SORCS2: variants seen among roughly 807,000 people sequenced by gnomAD.
The protein encoded by SORCS2 is sortilin related VPS10 domain containing receptor 2, also known as VPS10 domain-containing receptor SorCS2.
SORCS2 carries 100 observed loss-of-function variants against 141.6 expected under a neutral mutation model. The observed-to-expected ratio is 0.71, with a 90% CI of 0.60 to 0.83. SORCS2 has a LOEUF of 0.83. Among genes scored for constraint, SORCS2 ranks in the 40% least tolerant of loss-of-function variants. The probability of loss-of-function intolerance (pLI) is 0.00; values close to 1 mark genes in which losing one functional copy is unlikely to be tolerated. For missense variants in SORCS2, 1,646 were observed against 1,560.2 expected (o/e 1.05, Z -0.93); for synonymous variants, 789 against 676.9 (o/e 1.17, Z -2.57).
chr4:7,373,826 A>G (rs984446269), intron 1 of SORCS2, among the ~76,000 whole-genome samples: 1 of 152,022 alleles, frequency 6.6e-6, no homozygotes, highest in African/African-American at 2.4e-5. Flanking sequence ...CCATTGCTGG[A>G]TGTGTACTTT....
intron 1 of SORCS2, among the ~76,000 whole-genome samples, chr4:7,214,977 C>T (rs116041441): frequency 0.046 from 6,948 of 151,884 alleles, 195 homozygotes; most frequent in Middle Eastern, 0.071. Flanking sequence ...GCAGTCCTCA[C>T]GGCCCTCGCT....
chr4:7,617,536 C>T (rs1718847079), intron 3 of SORCS2, among the ~76,000 whole-genome samples: 1 of 152,116 alleles, frequency 6.6e-6, no homozygotes. Flanking sequence ...AAACTACTAT[C>T]CTGACGTAGA....
chr4:7,278,688 G>A (rs1473085927), intron 1 of SORCS2, among the ~76,000 whole-genome samples: 1 of 152,210 alleles, frequency 6.6e-6, no homozygotes, highest in African/African-American at 2.4e-5. Flanking sequence ...TATGGGGCCA[G>A]CTGTCCTTGG....
At position 7,370,321 on chromosome 4, in the gene SORCS2, G is replaced by T. The variant is rs530735611; in HGVS notation, c.481-25967G>T. ...TTTGGTTGTCTGAGCCCGGACGGGGGCAGAGGCAGAGGAGATCTGGGCCCC... is the reference window on the plus strand; with the variant it reads ...TTTGGTTGTCTGAGCCCGGACGGGGTCAGAGGCAGAGGAGATCTGGGCCCC... On this transcript the variant is annotated intron_variant, in intron 1 of 26. Coordinates refer to ENST00000507866, the MANE Select transcript of SORCS2 (RefSeq NM_020777.3). 3.3e-5 allele frequency among the ~76,000 whole-genome samples: 5 copies of T among 152,332 alleles called. No homozygotes were observed. In the East Asian group the frequency reaches 9.6e-4, roughly 29 times the overall value.
At chr4:7,726,338 C>T (rs1577126650) in intron 20 of SORCS2, among the ~76,000 whole-genome samples, 1 of 152,200 alleles carries the variant, frequency 6.6e-6, no homozygotes, top group Admixed American at 6.5e-5. Context: ...GCTGTGTTGG[C>T]TTACAACCAG....
intron 1 of SORCS2, among the ~76,000 whole-genome samples, chr4:7,221,251 G>A (rs1728687608): frequency 6.6e-6 from 1 of 152,184 alleles, no homozygotes; most frequent in African/African-American, 2.4e-5. Context: ...GTGTGTGTCA[G>A]AATCTCCTGA....
chr4:7,215,618 C>T (rs1360128397), intron 1 of SORCS2, among the ~76,000 whole-genome samples: 3 of 152,204 alleles, frequency 2.0e-5, no homozygotes, highest in African/African-American at 7.2e-5. Flanking sequence ...CGTGGAGAAT[C>T]TTTATGTCTA....
chr4:7,388,430 CTTCT>C (rs887329496), intron 1 of SORCS2, among the ~76,000 whole-genome samples: 2 of 152,122 alleles, frequency 1.3e-5, no homozygotes, highest in Admixed American at 6.5e-5. Context: ...AAGGAGGAGT[CTTCT>C]TTATTTTATT....
intron 1 of SORCS2, among the ~76,000 whole-genome samples, chr4:7,211,631 C>T (rs949402435): frequency 3.3e-5 from 5 of 152,176 alleles, no homozygotes; most frequent in African/African-American, 1.2e-4. Context: ...CCTCGGCCTC[C>T]CAAAGTGCTG....
intron 3 of SORCS2, among the ~76,000 whole-genome samples, chr4:7,622,124 C>A (rs1353708345): frequency 6.6e-6 from 1 of 152,144 alleles, no homozygotes; most frequent in African/African-American, 2.4e-5. Context: ...GCCAGGATCC[C>A]TGCGCTCCTC....
chr4:7,387,572 C>A (rs1275203624), intron 1 of SORCS2, among the ~76,000 whole-genome samples: 3 of 151,374 alleles, frequency 2.0e-5, no homozygotes, highest in Non-Finnish European at 4.4e-5. Context: ...CACACGCACA[C>A]ATGCACACAC....
intron 1 of SORCS2, among the ~76,000 whole-genome samples, chr4:7,383,958 C>G (rs138238158): frequency 6.0e-4 from 92 of 152,296 alleles, no homozygotes; most frequent in East Asian, 5.8e-4. Flanking sequence ...TGCAATTTTC[C>G]ACAGATCAGC....
In SORCS2 at chr4:7,380,629, G is replaced by C. The variant is rs532745509; in HGVS notation, c.481-15659G>C. Among the ~76,000 whole-genome samples the C allele has an allele frequency of 2.6e-5, 4 of 152,366 alleles. No individual in the cohort carries two copies. In the South Asian group the frequency reaches 6.2e-4, roughly 24 times the overall value. On this transcript the variant is annotated intron_variant, in intron 1 of 26. Transcript: ENST00000507866. ...CTGACCCGTGGCTAGACTGCCTGTG[G>C]CAGCCCCCTCGTTCCTCCTTAATAA...
intron 4 of SORCS2, among the ~76,000 whole-genome samples, chr4:7,651,486 TCTC>T (rs1721447930): frequency 6.6e-6 from 1 of 152,110 alleles, no homozygotes; most frequent in Non-Finnish European, 1.5e-5. Flanking sequence ...ATCCCGTTAA[TCTC>T]CTCTGGAGTG....
At chr4:7,330,285 A>G (rs1357009454) in intron 1 of SORCS2, among the ~76,000 whole-genome samples, 1 of 152,010 alleles carries the variant, frequency 6.6e-6, no homozygotes, top group African/African-American at 2.4e-5. Flanking sequence ...TGACCACGTG[A>G]GGCGACGTTC....
At chr4:7,716,137 G>A (rs981837521) in intron 17 of SORCS2, among the ~76,000 whole-genome samples, 1 of 152,234 alleles carries the variant, frequency 6.6e-6, no homozygotes, top group Non-Finnish European at 1.5e-5. Context: ...GGTCCCAAAC[G>A]TGCTCCGTCA....
chr4:7,197,002 G>A (rs2108851569), intron 1 of SORCS2, among the ~76,000 whole-genome samples: 1 of 152,324 alleles, frequency 6.6e-6, no homozygotes, highest in East Asian at 1.9e-4. Flanking sequence ...GGGCTGCCAG[G>A]GCAAAGTGCC....
At chr4:7,487,194 C>T (rs1431108096) in intron 2 of SORCS2, among the ~76,000 whole-genome samples, 2 of 152,208 alleles carry the variant, frequency 1.3e-5, no homozygotes, top group African/African-American at 2.4e-5. Flanking sequence ...CCAAGAAGCC[C>T]ACCCTAAGGA....
At chr4:7,255,354 C>T (rs78910918) in intron 1 of SORCS2, among the ~76,000 whole-genome samples, 3,868 of 152,176 alleles carry the variant, frequency 0.025, 184 homozygotes, top group African/African-American at 0.089. Context: ...CATATTGTGC[C>T]GTAGTTCCTG....
Sources: allele counts gnomAD v4.1 joint callset (sites outside exome capture counted in the v4.1 genomes callset), GRCh38; gene constraint gnomAD v4.1.1; transcripts MANE v1.5; gene names NCBI Gene and HGNC (gene_info 2026-07-23, HGNC 2026-07-21).